The following SP100 variants were observed in gnomAD, a reference collection of about 807,000 sequenced individuals.
SP100 encodes the protein nuclear autoantigen Sp-100.
In SP100, 84 loss-of-function variants were observed where a neutral mutation model predicts 130.0. The observed-to-expected ratio is 0.65, with a 90% confidence interval of 0.54 to 0.77. SP100 has a LOEUF of 0.77. Ranked by LOEUF, SP100 falls within the 30% of genes least tolerant of loss-of-function variation. The pLI is 0.00. For synonymous variants in SP100, 331 were observed against 351.7 expected (o/e 0.94, Z 0.66); for missense variants, 978 against 1,052.2 (o/e 0.93, Z 0.97).
intron 8 of SP100, among the ~76,000 whole-genome samples, chr2:230,454,133 A>C (rs1438174702): frequency 1.3e-5 from 2 of 152,120 alleles, no homozygotes; most frequent in African/African-American, 4.8e-5. Flanking sequence ...GGTATGAGAA[A>C]GGTAGTGTCT....
At chr2:230,487,843 T>C (rs2066187164) in intron 17 of SP100, among the ~76,000 whole-genome samples, 1 of 152,238 alleles carries the variant, frequency 6.6e-6, no homozygotes, top group South Asian at 2.1e-4. Context: ...CATTTATTCA[T>C]GTCCTCTTTT....
chr2:230,528,385 C>T (rs1691530813), intron 24 of SP100, among the ~76,000 whole-genome samples: 2 of 152,156 alleles, frequency 1.3e-5, no homozygotes, highest in Admixed American at 1.3e-4. Flanking sequence ...CCAATGAGAA[C>T]AAATACACAG....
chr2:230,432,977 T>A (rs1042043502), intron 2 of SP100, among the ~76,000 whole-genome samples: 1 of 152,178 alleles, frequency 6.6e-6, no homozygotes, highest in Non-Finnish European at 1.5e-5. Context: ...TTTACAAGAC[T>A]ACTGCATAAT....
At chr2:230,528,526 GC>G (rs140264903) in intron 24 of SP100, among the ~76,000 whole-genome samples, 27,497 of 152,000 alleles carry the variant, frequency 0.18, 2,937 homozygotes, top group African/African-American at 0.3. Context: ...AACTAGAGAA[GC>G]AAGAGAAAAC....
intron 24 of SP100, chr2:230,538,095 C>T (rs949991206): frequency 3.9e-5 from 6 of 152,154 alleles, no homozygotes; most frequent in African/African-American, 1.4e-4. Flanking sequence ...GCCTATACAC[C>T]AACCCAGACT....
At chr2:230,437,179 T>C (rs893275921) in intron 2 of SP100, among the ~76,000 whole-genome samples, 1 of 152,210 alleles carries the variant, frequency 6.6e-6, no homozygotes, top group Non-Finnish European at 1.5e-5. Flanking sequence ...CTAGGACTTA[T>C]CAAATTCCCT....
intron 17 of SP100, among the ~76,000 whole-genome samples, chr2:230,481,202 C>T (rs2065819300): frequency 6.6e-6 from 1 of 152,098 alleles, no homozygotes; most frequent in Admixed American, 6.6e-5. Flanking sequence ...TGAATGACTA[C>T]CAATTATATT....
intron 17 of SP100, among the ~76,000 whole-genome samples, chr2:230,478,549 T>G (rs925286900): frequency 2.6e-5 from 4 of 152,220 alleles, no homozygotes; most frequent in Admixed American, 2.6e-4. Context: ...AATTTCTCAA[T>G]TTAACACTTT....
In SP100 at chr2:230,450,180, G is replaced by A. The variant is rs1435330745; in HGVS notation, c.745G>A (p.Glu249Lys). 4.3e-6 allele frequency: 7 copies of A among 1,613,158 alleles called. No individual in the cohort carries two copies. The highest frequency in any genetic ancestry group is 5.9e-6 in the Non-Finnish European group (7 of 1,179,178). ...ATCTCGTTTATCTCCAGAGTCCTGCGAACAAATTGCTGTCCAAGTGAATAA... is the reference window on the plus strand; with the variant it reads ...ATCTCGTTTATCTCCAGAGTCCTGCAAACAAATTGCTGTCCAAGTGAATAA... ...AQKAEPTESC[E>K]QIAVQVNNGD... The change falls in exon 8 of 29, where the codon GAA becomes AAA. Residue 249 changes from glutamate to lysine, a missense_variant. Coordinates refer to ENST00000340126, the MANE Select transcript of SP100 (RefSeq NM_001080391.2).
chr2:230,542,083 A>G (rs1692199906), intron 28 of SP100, 48 bp downstream of exon 28: 7 of 1,585,630 alleles, frequency 4.4e-6, no homozygotes, highest in Non-Finnish European at 6.1e-6. Flanking sequence ...ACATCACTTT[A>G]AAGTCACTTT....
intron 1 of SP100, 37 bp downstream of exon 1, chr2:230,416,365 T>C (rs1235857195): frequency 6.4e-7 from 1 of 1,574,070 alleles, no homozygotes; most frequent in Non-Finnish European, 8.7e-7. Flanking sequence ...CCTTTATCTC[T>C]GGCTATATTG....
chr2:230,536,849 G>T (rs925595197), intron 24 of SP100, among the ~76,000 whole-genome samples: 7 of 138,784 alleles, frequency 5.0e-5, no homozygotes, highest in African/African-American at 1.8e-4. Flanking sequence ...ACAAAATCAT[G>T]GGTGACTTCC....
At chr2:230,437,735 T>G (rs1264773897) in intron 2 of SP100, among the ~76,000 whole-genome samples, 3 of 152,066 alleles carry the variant, frequency 2.0e-5, no homozygotes, top group Non-Finnish European at 4.4e-5. Context: ...ATTTTTGTAT[T>G]TTTAGTGAGA....
chr2:230,468,889 A>C lies in SP100; in HGVS notation c.1292-154A>C, dbSNP rs113472267. On this transcript the variant is annotated intron_variant, in intron 13 of 28. Coordinates refer to ENST00000340126, the MANE Select transcript of SP100 (RefSeq NM_001080391.2). ...CTAAAGGATTGTGGGTCTGTGCTCC[A>C]TTTGATAGTAATCTCTTTCCCTTAG... The C allele has an allele frequency of 9.7e-3, 4,652 of 479,048 alleles. 216 individuals are homozygous for C. Among genetic ancestry groups the C allele is most frequent in the African/African-American group, 0.087 (4,251 of 48,954 alleles). 29.7% of individuals were successfully genotyped at this position (479,048 alleles called of 1,614,324 possible).
Position 230,441,312 on chromosome 2 carries a change from T to C in SP100, c.108-1625T>C, listed in dbSNP as rs1327777332. The stretch of plus-strand genomic sequence containing the variant: ...CTAAAACTAGAAAGGCTATCTCTGA[T>C]AGTCTTTGAAAAACAGTTTGGCAGG... On this transcript the variant is annotated intron_variant, in intron 2 of 28. Transcript: ENST00000340126. Among the ~76,000 whole-genome samples the C allele has an allele frequency of 2.0e-5, 3 of 152,222 alleles. 1 individual carries two copies. The East Asian group carries it at 5.8e-4, about 29-fold the overall frequency.
chr2:230,481,853 G>A lies in SP100; in HGVS notation c.1600+7406G>A, dbSNP rs191871606. 8.4e-4 allele frequency among the ~76,000 whole-genome samples: 128 copies of A among 152,268 alleles called. No homozygotes were observed. The East Asian group carries it at 9.8e-3, about 12-fold the overall frequency. Reference sequence around the variant, plus strand: ...TTCAGCCTCAGAACCCTTGCACTTCGTGTTGACTCTACATAAGATGCTTTT... The same window carrying A: ...TTCAGCCTCAGAACCCTTGCACTTCATGTTGACTCTACATAAGATGCTTTT... On this transcript the variant is annotated intron_variant, in intron 17 of 28. Coordinates refer to ENST00000340126, the MANE Select transcript of SP100 (RefSeq NM_001080391.2).
chr2:230,492,164 G>A (rs1180565335), intron 17 of SP100, among the ~76,000 whole-genome samples: 2 of 152,024 alleles, frequency 1.3e-5, no homozygotes, highest in Non-Finnish European at 2.9e-5. Flanking sequence ...CCATTACCAT[G>A]TTTACCTTTC....
At chr2:230,541,744 C>A in intron 27 of SP100, 148 bp from the exon 28 acceptor site, 1 of 749,698 alleles carries the variant, frequency 1.3e-6, no homozygotes, top group Non-Finnish European at 2.1e-6. Flanking sequence ...TACCTCATGA[C>A]CTCCCAAAGG....
chr2:230,476,611 C>A (rs946094998), intron 17 of SP100, among the ~76,000 whole-genome samples: 1 of 152,062 alleles, frequency 6.6e-6, no homozygotes, highest in Non-Finnish European at 1.5e-5. Context: ...TGTATTAACA[C>A]GTTTTGGAAT....
Sources: allele counts gnomAD v4.1 joint callset (sites outside exome capture counted in the v4.1 genomes callset), GRCh38; gene constraint gnomAD v4.1.1; transcripts MANE v1.5; gene names NCBI Gene and HGNC (gene_info 2026-07-23, HGNC 2026-07-21).